The following BNC2 variants were observed in gnomAD, a reference collection of about 807,000 sequenced individuals.
The protein encoded by BNC2 is basonuclin zinc finger protein 2.
A neutral mutation model predicts 76.3 loss-of-function variants in BNC2; 20 were observed. The observed-to-expected ratio is 0.26, with a 90% CI of 0.18 to 0.38. The LOEUF (loss-of-function observed/expected upper bound fraction) is 0.38. Ranked by LOEUF, BNC2 falls within the 10% of genes least tolerant of loss-of-function variation. The pLI is 1.00. For missense variants in BNC2, 1,382 were observed against 1,399.8 expected, an observed-to-expected ratio of 0.99 and a Z score of 0.20; for synonymous variants, 582 against 514.8, an observed-to-expected ratio of 1.13 and a Z score of -1.77.
At chr9:16,678,215 C>T (rs1321344949) in intron 3 of BNC2, among the ~76,000 whole-genome samples, 1 of 149,220 alleles carries the variant, frequency 6.7e-6, no homozygotes, top group Non-Finnish European at 1.5e-5. Flanking sequence ...CAACTCTTGT[C>T]CAAATTTGCC....
chr9:16,802,661 T>C (rs1292142959), intron 1 of BNC2, among the ~76,000 whole-genome samples: 1 of 152,214 alleles, frequency 6.6e-6, no homozygotes, highest in Non-Finnish European at 1.5e-5. Context: ...GCAAGACACT[T>C]TTCAAGCCCA....
intron 1 of BNC2, among the ~76,000 whole-genome samples, chr9:16,824,357 C>T (rs1563959772): frequency 6.6e-6 from 1 of 152,038 alleles, no homozygotes; most frequent in Non-Finnish European, 1.5e-5. Context: ...ATTCAAAGGT[C>T]CCTTCTTTTG....
At chr9:16,576,151 C>T (rs899489425) in intron 4 of BNC2, among the ~76,000 whole-genome samples, 1 of 152,182 alleles carries the variant, frequency 6.6e-6, no homozygotes, top group Non-Finnish European at 1.5e-5. Flanking sequence ...ACCCTAAACA[C>T]CCCTCTGGAA....
intron 5 of BNC2, among the ~76,000 whole-genome samples, chr9:16,543,002 C>A (rs1266019187): frequency 6.6e-6 from 1 of 152,054 alleles, no homozygotes; most frequent in East Asian, 1.9e-4. Flanking sequence ...GGATTTCATT[C>A]CTGTACAAGT....
chr9:16,626,412 C>T (rs1174901796), intron 3 of BNC2: 1 of 152,132 alleles, frequency 6.6e-6, no homozygotes, highest in Non-Finnish European at 1.5e-5. Flanking sequence ...CCTGCAAGTA[C>T]ATTTGCAAGA....
chr9:16,758,566 T>C (rs1825460680), intron 1 of BNC2, among the ~76,000 whole-genome samples: 2 of 152,150 alleles, frequency 1.3e-5, no homozygotes, highest in Admixed American at 1.3e-4. Context: ...CTTGACCTCA[T>C]GATCTGTCCA....
intron 1 of BNC2, among the ~76,000 whole-genome samples, chr9:16,758,105 C>G: frequency 6.6e-6 from 1 of 152,254 alleles, no homozygotes; most frequent in Admixed American, 6.5e-5. Flanking sequence ...CCTTGTATTT[C>G]TCAGCTTCTA....
intron 1 of BNC2, among the ~76,000 whole-genome samples, chr9:16,755,539 C>A (rs985490042): frequency 6.6e-6 from 1 of 152,132 alleles, no homozygotes; most frequent in Non-Finnish European, 1.5e-5. Flanking sequence ...ATGACCCCCC[C>A]ATCCTTTCTT....
intron 4 of BNC2, among the ~76,000 whole-genome samples, chr9:16,557,266 C>G (rs995504731): frequency 6.6e-6 from 1 of 152,028 alleles, no homozygotes; most frequent in African/African-American, 2.4e-5. Flanking sequence ...TGGGAGGTTG[C>G]AGTGGGCGAA....
rs538723759 is a variant in BNC2 at position 16,864,725 on chromosome 9, T to C, written c.3+5921A>G. ...CCCAGGACAGCAGCATGCACGACAA[T>C]AGTCTCGACGCTTACTTCTTTACGG... On this transcript the variant is annotated intron_variant, in intron 1 of 6. Coordinates refer to ENST00000380672, the MANE Select transcript of BNC2 (RefSeq NM_017637.6). 7.9e-5 allele frequency among the ~76,000 whole-genome samples: 12 copies of C among 152,258 alleles called. 1 individual carries two copies. In the South Asian group the frequency reaches 1.9e-3, roughly 24 times the overall value.
At chr9:16,476,477 C>A (rs1260186392) in intron 5 of BNC2, among the ~76,000 whole-genome samples, 1 of 151,928 alleles carries the variant, frequency 6.6e-6, no homozygotes, top group African/African-American at 2.4e-5. Context: ...ATCCTTCAGA[C>A]CTCTGCTCAA....
chr9:16,589,518 T>TTTGTTTGC (rs1169838970), intron 3 of BNC2, among the ~76,000 whole-genome samples: 6 of 148,350 alleles, frequency 4.0e-5, no homozygotes. Flanking sequence ...TGTTTGTTTG[T>TTTGTTTGC]TTGTTTTTGA....
intron 3 of BNC2, among the ~76,000 whole-genome samples, chr9:16,652,546 G>A (rs889997361): frequency 3.3e-5 from 5 of 152,256 alleles, no homozygotes; most frequent in Non-Finnish European, 7.3e-5. Flanking sequence ...TTATACAAAT[G>A]TAATATAGTA....
intron 1 of BNC2, among the ~76,000 whole-genome samples, chr9:16,837,372 C>T (rs1183317381): frequency 6.6e-6 from 1 of 152,050 alleles, no homozygotes; most frequent in African/African-American, 2.4e-5. Context: ...AGCGTGGTGG[C>T]AGGCGCCTGT....
intron 3 of BNC2, among the ~76,000 whole-genome samples, chr9:16,725,985 AAC>A (rs201355622): frequency 2.8e-5 from 4 of 142,392 alleles, no homozygotes; most frequent in Admixed American, 7.0e-5. Context: ...CTTCCCTTCT[AAC>A]ACACACACAC....
chr9:16,646,890 G>C (rs566543403), intron 3 of BNC2, among the ~76,000 whole-genome samples: 2 of 152,262 alleles, frequency 1.3e-5, no homozygotes, highest in East Asian at 1.9e-4. Flanking sequence ...GTCATCCATA[G>C]CTGAGTCCCC....
chr9:16,516,293 T>G (rs1453052716), intron 5 of BNC2, among the ~76,000 whole-genome samples: 1 of 151,798 alleles, frequency 6.6e-6, no homozygotes, highest in East Asian at 1.9e-4. Flanking sequence ...GTTCTTGTGA[T>G]GCCGCCTCAG....
intron 3 of BNC2, among the ~76,000 whole-genome samples, chr9:16,666,699 G>C (rs1413679072): frequency 1.3e-5 from 2 of 152,120 alleles, no homozygotes; most frequent in Non-Finnish European, 2.9e-5. Context: ...TTTAAACATG[G>C]TATCTAAACA....
In BNC2 at chr9:16,857,480, T is replaced by TAAAAAA. The variant is rs60082380; in HGVS notation, c.3+13160_3+13165dup. On this transcript the variant is annotated intron_variant, in intron 1 of 6. Coordinates refer to ENST00000380672, the MANE Select transcript of BNC2 (RefSeq NM_017637.6). Reference sequence around the variant, plus strand: ...CAACAGAGTGAGACTCTGTCTCAAATAAAAAAAAAAAAAAAAAAAAAAAAA... The same window carrying TAAAAAA: ...CAACAGAGTGAGACTCTGTCTCAAATAAAAAAAAAAAAAAAAAAAAAAAAAAAAAAA... 6.2e-4 allele frequency among the ~76,000 whole-genome samples: 47 copies of TAAAAAA among 75,648 alleles called. 1 individual carries two copies. The highest frequency in any genetic ancestry group is 8.3e-4 in the African/African-American group (17 of 20,378). 49.6% of individuals were successfully genotyped at this position (75,648 alleles called of 152,430 possible). A position where few individuals can be genotyped will look rare whatever the true frequency, so the allele number is the denominator to read the frequency against.
Sources: allele counts gnomAD v4.1 joint callset (sites outside exome capture counted in the v4.1 genomes callset), GRCh38; gene constraint gnomAD v4.1.1; transcripts MANE v1.5; gene names NCBI Gene and HGNC (gene_info 2026-07-23, HGNC 2026-07-21).